The following OPRK1 variants were observed in gnomAD, a reference collection of about 807,000 sequenced individuals.
OPRK1 encodes opioid receptor kappa 1, also known as kappa-type opioid receptor.
A neutral mutation model predicts 24.5 loss-of-function variants in OPRK1; 15 were observed. That is an observed-to-expected ratio of 0.61 (90% CI 0.41 to 0.94). The LOEUF (loss-of-function observed/expected upper bound fraction) is 0.94. Among genes scored for constraint, OPRK1 ranks in the 40% least tolerant of loss-of-function variants. OPRK1 has a pLI of 0.00. For missense variants in OPRK1, 479 were observed against 507.3 expected (o/e 0.94, Z 0.54); for synonymous variants, 205 against 198.0 (o/e 1.04, Z -0.30).
Position 53,229,236 on chromosome 8 carries a change from A to C in OPRK1, c.*61T>G. 1.3e-6 allele frequency: 2 copies of C among 1,542,058 alleles called. No individual in the cohort carries two copies. Among genetic ancestry groups the C allele is most frequent in the South Asian group, 2.5e-5 (2 of 79,424 alleles). ...CAGACTGCAGTAGTGATCTGAGTTAAACCTAGATCATTGAACTCCTCTCTT... is the reference window on the plus strand; with the variant it reads ...CAGACTGCAGTAGTGATCTGAGTTACACCTAGATCATTGAACTCCTCTCTT... On this transcript the variant is annotated 3_prime_UTR_variant, in exon 4 of 4. Coordinates refer to ENST00000265572, the MANE Select transcript of OPRK1 (RefSeq NM_000912.5).
intron 2 of OPRK1, among the ~76,000 whole-genome samples, chr8:53,243,984 G>A (rs1807174666): frequency 6.6e-6 from 1 of 152,102 alleles, no homozygotes; most frequent in Admixed American, 6.5e-5. Context: ...ACACTTAGGA[G>A]AATGTGGAAC....
At chr8:53,232,602 C>T (rs1585629029) in intron 3 of OPRK1, among the ~76,000 whole-genome samples, 1 of 152,172 alleles carries the variant, frequency 6.6e-6, no homozygotes, top group African/African-American at 2.4e-5. Flanking sequence ...TGTTCTGTTT[C>T]AGGAAGAAGG....
At chr8:53,243,858 G>A (rs1359114979) in intron 2 of OPRK1, among the ~76,000 whole-genome samples, 2 of 152,066 alleles carry the variant, frequency 1.3e-5, no homozygotes, top group African/African-American at 2.4e-5. Context: ...AATAAGACTG[G>A]TGTCCTGTAG....
At chr8:53,251,107 C>T in intron 1 of OPRK1, 22 bp from the exon 2 acceptor site, 2 of 1,419,068 alleles carry the variant, frequency 1.4e-6, no homozygotes, top group Non-Finnish European at 1.8e-6. Flanking sequence ...AAAGAACCGG[C>T]TGGACGCGGA....
intron 2 of OPRK1, among the ~76,000 whole-genome samples, chr8:53,235,454 G>T (rs373366625): frequency 3.3e-5 from 5 of 152,168 alleles, no homozygotes; most frequent in East Asian, 1.9e-4. Flanking sequence ...GCCCAGAGTC[G>T]CTTGGCTTTA....
intron 3 of OPRK1, among the ~76,000 whole-genome samples, chr8:53,233,548 C>T (rs753138968): frequency 2.0e-5 from 3 of 152,144 alleles, no homozygotes; most frequent in Non-Finnish European, 2.9e-5. Context: ...GTATTATGAA[C>T]CCCCTAGTAA....
At chr8:53,235,374 T>C (rs375150571) in intron 2 of OPRK1, among the ~76,000 whole-genome samples, 1 of 152,234 alleles carries the variant, frequency 6.6e-6, no homozygotes, top group Non-Finnish European at 1.5e-5. Context: ...GATAGATGAA[T>C]AGACATATAG....
Position 53,229,722 on chromosome 8 carries a change from G to A in OPRK1, c.718C>T (p.Leu240Phe), listed in dbSNP as rs1198498293. ...VFIFAFVIPV[L>F]IIIVCYTLMI... is the part of the protein sequence containing the mutation. ...AGGGTGTAGCAGACGATGATGATGAGGACAGGGATCACGAAGGCAAAGATG... is the reference window on the plus strand; with the variant it reads ...AGGGTGTAGCAGACGATGATGATGAAGACAGGGATCACGAAGGCAAAGATG... Residue 240 changes from leucine (L) to phenylalanine (F), a missense_variant, in exon 4 of 4, where the codon CTC becomes TTC. Coordinates refer to ENST00000265572, the MANE Select transcript of OPRK1 (RefSeq NM_000912.5). 1 of 1,614,130 alleles carries A rather than the reference G, an allele frequency of 6.2e-7. No homozygotes were observed. Among genetic ancestry groups the A allele is most frequent in the Non-Finnish European group, 8.5e-7 (1 of 1,180,020 alleles).
At chr8:53,231,140 A>G (rs982939812) in intron 3 of OPRK1, among the ~76,000 whole-genome samples, 3 of 152,300 alleles carry the variant, frequency 2.0e-5, no homozygotes, top group African/African-American at 4.8e-5. Context: ...GAAATTTGTC[A>G]TTTTTGATTT....
intron 3 of OPRK1, among the ~76,000 whole-genome samples, chr8:53,234,203 A>AAAAAAAAAAAAAAAAAAAAAG (rs1806930667): frequency 1.3e-5 from 2 of 150,692 alleles, no homozygotes; most frequent in African/African-American, 2.4e-5. Flanking sequence ...AAAAAAAAAA[A>AAAAAAAAAAAAAAAAAAAAAG]TCAGTTGGCT....
chr8:53,228,045 T>C lies in OPRK1; in HGVS notation c.*1252A>G, dbSNP rs1292422413. The C allele has an allele frequency of 6.6e-6, 1 of 152,190 alleles. No homozygotes were observed. The allele number at this position is 152,190 out of a possible 1,614,324, so 9.4% of individuals were successfully genotyped here. On this transcript the variant is annotated 3_prime_UTR_variant, in exon 4 of 4. Transcript: ENST00000265572. ...TACCCTAAATGTGCTGCTCCTGGCA[T>C]TATCCTCAGCAGGTATGCCCTTCAC...
intron 2 of OPRK1, among the ~76,000 whole-genome samples, chr8:53,245,243 TA>T (rs1215906667): frequency 1.3e-5 from 2 of 152,094 alleles, no homozygotes; most frequent in African/African-American, 4.8e-5. Context: ...ATAATTAAGG[TA>T]AATGAGGCCA....
chr8:53,243,373 C>T (rs1316379005), intron 2 of OPRK1, among the ~76,000 whole-genome samples: 1 of 152,212 alleles, frequency 6.6e-6, no homozygotes, highest in Non-Finnish European at 1.5e-5. Context: ...AAGCAAATTC[C>T]TTCTGAAACT....
intron 2 of OPRK1, among the ~76,000 whole-genome samples, chr8:53,242,105 A>G (rs1374169236): frequency 6.6e-6 from 1 of 152,184 alleles, no homozygotes; most frequent in Non-Finnish European, 1.5e-5. Context: ...CGGTATATGG[A>G]TACTTAAAAT....
chr8:53,244,343 G>A (rs1254294027), intron 2 of OPRK1, among the ~76,000 whole-genome samples: 5 of 152,256 alleles, frequency 3.3e-5, no homozygotes, highest in Admixed American at 2.0e-4. Flanking sequence ...CAAGCTCTAC[G>A]CCTAGCAAGC....
chr8:53,238,711 A>T, intron 2 of OPRK1: 1 of 985,462 alleles, frequency 1.0e-6, no homozygotes, highest in South Asian at 4.7e-5. Flanking sequence ...GGTGAGGGGA[A>T]CAAAGTTATC....
Position 53,229,803 on chromosome 8 carries a change from G to T in OPRK1, c.637C>A (p.Gln213Lys), listed in dbSNP as rs1806810664. The T allele has an allele frequency of 6.3e-7, 1 of 1,582,722 alleles. No individual in the cohort carries two copies. The highest frequency in any genetic ancestry group is 1.4e-5 in the African/African-American group (1 of 73,574). Residue 213 changes from glutamine (Q) to lysine (K), a missense_variant, in exon 4 of 4, where the codon CAG becomes AAG. By Grantham distance (53) the Gln-to-Lys change is moderately conservative. Coordinates refer to ENST00000265572, the MANE Select transcript of OPRK1 (RefSeq NM_000912.5). ...EDVDVIECSLQFPDDDYSWWD... is the reference protein window; with the variant it reads ...EDVDVIECSLKFPDDDYSWWD... ...CAGGAGTAGTCATCATCTGGGAACT[G>T]CAAGGAGCACTCAATGACATCGACG...
At chr8:53,243,226 T>C (rs984518549) in intron 2 of OPRK1, among the ~76,000 whole-genome samples, 55 of 152,320 alleles carry the variant, frequency 3.6e-4, no homozygotes, top group Non-Finnish European at 7.3e-5. Flanking sequence ...CAGAGACTCC[T>C]GGGGCCATGA....
At chr8:53,250,654 C>T (rs1161751001) in intron 2 of OPRK1, 127 bp downstream of exon 2, 5 of 1,016,004 alleles carry the variant, frequency 4.9e-6, no homozygotes, top group Non-Finnish European at 7.0e-6. Context: ...GTAGCATTTC[C>T]AGGATCCTTC....
Sources: allele counts gnomAD v4.1 joint callset (sites outside exome capture counted in the v4.1 genomes callset), GRCh38; gene constraint gnomAD v4.1.1; transcripts MANE v1.5; gene names NCBI Gene and HGNC (gene_info 2026-07-23, HGNC 2026-07-21).